KIAA0930: variants seen among roughly 807,000 people sequenced by gnomAD.
KIAA0930 encodes KIAA0930.
Under a neutral mutation model 43.9 loss-of-function variants are expected in KIAA0930, and 24 were observed. That is an observed-to-expected ratio of 0.55 (90% CI 0.40 to 0.77). KIAA0930 has a LOEUF of 0.77. KIAA0930 is among the 30% of genes least tolerant of loss of function. The pLI is 0.00. For synonymous variants in KIAA0930, 259 were observed against 216.4 expected (o/e 1.20, Z -1.73); for missense variants, 461 against 574.2 (o/e 0.80, Z 2.02).
At position 45,193,544 on chromosome 22, in the gene KIAA0930, C is replaced by T. The variant is rs541153395; in HGVS notation, c.*3632G>A. ...CAGGTACATTCTTTGGGGGAGGGCA[C>T]CTCAGGAACATGCATTTATACCCTT... On this transcript the variant is annotated 3_prime_UTR_variant, in exon 10 of 10. Coordinates refer to ENST00000336156, the MANE Select transcript of KIAA0930 (RefSeq NM_001009880.2). 3 of 152,244 alleles carry T rather than the reference C, an allele frequency of 2.0e-5. No homozygotes were observed. The highest frequency in any genetic ancestry group is 6.5e-5 in the Admixed American group (1 of 15,294). The allele number at this position is 152,244 out of a possible 1,614,324, so 9.4% of individuals were successfully genotyped here. A position where few individuals can be genotyped will look rare whatever the true frequency, so the allele number is the denominator to read the frequency against.
intron 2 of KIAA0930, among the ~76,000 whole-genome samples, chr22:45,209,311 G>A (rs1193681798): frequency 8.1e-6 from 1 of 123,300 alleles, no homozygotes; most frequent in African/African-American, 3.9e-5. Flanking sequence ...AGCGCTCAGG[G>A]CTTTTGCCAG....
intron 1 of KIAA0930, among the ~76,000 whole-genome samples, chr22:45,237,029 T>G (rs1334103667): frequency 6.6e-6 from 1 of 152,192 alleles, no homozygotes; most frequent in Non-Finnish European, 1.5e-5. Flanking sequence ...AACTGTCGGG[T>G]GGGCTGCCCC....
At chr22:45,231,188 G>C (rs2083851052) in intron 1 of KIAA0930, among the ~76,000 whole-genome samples, 1 of 149,734 alleles carries the variant, frequency 6.7e-6, no homozygotes, top group Non-Finnish European at 1.5e-5. Context: ...AGGAGGCAGA[G>C]GTTGCAGTGA....
At chr22:45,203,290 G>A in intron 6 of KIAA0930, 106 bp from the exon 7 acceptor site, 1 of 1,186,318 alleles carries the variant, frequency 8.4e-7, no homozygotes, top group Non-Finnish European at 1.2e-6. Context: ...AAGGAGCGGG[G>A]GCTGCCCGGG....
At chr22:45,203,499 G>A (rs550081694) in intron 6 of KIAA0930, among the ~76,000 whole-genome samples, 1 of 152,232 alleles carries the variant, frequency 6.6e-6, no homozygotes, top group East Asian at 1.9e-4. Flanking sequence ...TTAGTTGGGG[G>A]CGACTCGGAG....
At chr22:45,227,218 C>T (rs771481532) in intron 1 of KIAA0930, among the ~76,000 whole-genome samples, 11 of 152,226 alleles carry the variant, frequency 7.2e-5, no homozygotes, top group Non-Finnish European at 1.5e-4. Flanking sequence ...TGCAAAGCAC[C>T]TTCTGGGCCC....
At chr22:45,209,656 T>C (rs1466553774) in intron 2 of KIAA0930, among the ~76,000 whole-genome samples, 1 of 152,204 alleles carries the variant, frequency 6.6e-6, no homozygotes, top group Non-Finnish European at 1.5e-5. Flanking sequence ...ACAGCACTGA[T>C]GGCTCCATAG....
At chr22:45,200,805 A>G in intron 7 of KIAA0930, 1 of 449,236 alleles carries the variant, frequency 2.2e-6, no homozygotes, top group Non-Finnish European at 4.5e-6. Flanking sequence ...ACAACCATAG[A>G]CAGCATGCTG....
At chr22:45,210,045 C>G (rs991659817) in intron 2 of KIAA0930, among the ~76,000 whole-genome samples, 1 of 152,216 alleles carries the variant, frequency 6.6e-6, no homozygotes, top group Non-Finnish European at 1.5e-5. Flanking sequence ...AGGGTGCACA[C>G]AACCCGTCCT....
chr22:45,203,526 C>T (rs896912661), intron 6 of KIAA0930, among the ~76,000 whole-genome samples: 3 of 152,230 alleles, frequency 2.0e-5, no homozygotes, highest in South Asian at 2.1e-4. Flanking sequence ...CAGGGCCAGT[C>T]GCAGGAAGCA....
Position 45,193,715 on chromosome 22 carries a change from G to A in KIAA0930, c.*3461C>T, listed in dbSNP as rs1247456428. The A allele has an allele frequency of 1.3e-5, 2 of 152,152 alleles. No homozygotes were observed. The highest frequency in any genetic ancestry group is 1.3e-4 in the Admixed American group (2 of 15,268). The allele number at this position is 152,152 out of a possible 1,614,324, so 9.4% of individuals were successfully genotyped here. ...TCCTTTTGTTCTCTTCTGACTACCT[G>A]TCACTCATGTTTTAAATAATCTTCT... On this transcript the variant is annotated 3_prime_UTR_variant, in exon 10 of 10. Transcript: ENST00000336156.
chr22:45,203,307 C>G (rs1031700336), intron 6 of KIAA0930, 123 bp from the exon 7 acceptor site: 1 of 992,590 alleles, frequency 1.0e-6, no homozygotes, highest in South Asian at 1.6e-5. Context: ...CGGGAGGGAG[C>G]GTCTGAGCTG....
intron 2 of KIAA0930, 41 bp downstream of exon 2, chr22:45,211,915 T>C: frequency 6.3e-7 from 1 of 1,594,630 alleles, no homozygotes; most frequent in Non-Finnish European, 8.5e-7. Context: ...ACAGGGATGC[T>C]TGGGGCACAG....
chr22:45,229,498 A>T (rs535466321), intron 1 of KIAA0930, among the ~76,000 whole-genome samples: 1 of 152,210 alleles, frequency 6.6e-6, no homozygotes, highest in African/African-American at 2.4e-5. Flanking sequence ...GACAGGAGCC[A>T]CACACGAGGG....
Position 45,195,543 on chromosome 22 carries a change from G to A in KIAA0930, c.*1633C>T, listed in dbSNP as rs1049421908. 1.3e-5 allele frequency: 2 copies of A among 152,314 alleles called. No individual in the cohort carries two copies. The highest frequency in any genetic ancestry group is 4.8e-5 in the African/African-American group (2 of 41,446). The allele number at this position is 152,314 out of a possible 1,614,324, so 9.4% of individuals were successfully genotyped here. A position where few individuals can be genotyped will look rare whatever the true frequency, so the allele number is the denominator to read the frequency against. On this transcript the variant is annotated 3_prime_UTR_variant, in exon 10 of 10. Transcript: ENST00000336156. ...ATGACCTGGCTCTGTGCTGCCCTAA[G>A]ACATGGGTTTAGGAACATGAAATCG...
In KIAA0930 at chr22:45,205,663, G is replaced by T. The variant is rs376875577; in HGVS notation, c.381C>A (p.Gly127=). The change falls in exon 4 of 10, where the codon GGC becomes GGA. Residue 127 remains glycine (G), a synonymous_variant. Coordinates refer to ENST00000336156, the MANE Select transcript of KIAA0930 (RefSeq NM_001009880.2). ...TCTTCTTATGGATGTGAATGTCCCC[G>T]CCGTCAGCACGTGTGCACACCGCAC... ...VTCAVCTRAD[G]GDIHIHKKKS... 49 of 1,613,920 alleles carry T rather than the reference G, an allele frequency of 3.0e-5. No individual in the cohort carries two copies. In the South Asian group the frequency reaches 5.3e-4, roughly 17 times the overall value.
In KIAA0930 at chr22:45,195,818, T is replaced by G. The variant is rs1264948873; in HGVS notation, c.*1358A>C. 1 of 152,572 alleles carries G rather than the reference T, an allele frequency of 6.6e-6. No individual in the cohort carries two copies. Among genetic ancestry groups the G allele is most frequent in the African/African-American group, 2.4e-5 (1 of 41,412 alleles). 9.5% of individuals were successfully genotyped at this position (152,572 alleles called of 1,614,324 possible). Reference sequence around the variant, plus strand: ...AGCCCCATTTCACAGGTGGGCAAACTGAGGCAGAATGAAATGCAATAGCTC... The same window carrying G: ...AGCCCCATTTCACAGGTGGGCAAACGGAGGCAGAATGAAATGCAATAGCTC... On this transcript the variant is annotated 3_prime_UTR_variant, in exon 10 of 10. Coordinates refer to ENST00000336156, the MANE Select transcript of KIAA0930 (RefSeq NM_001009880.2).
intron 1 of KIAA0930, among the ~76,000 whole-genome samples, chr22:45,215,568 C>T (rs1347606152): frequency 6.6e-6 from 1 of 152,168 alleles, no homozygotes; most frequent in Non-Finnish European, 1.5e-5. Flanking sequence ...CTGACATTTC[C>T]CCGAGGTAAA....
intron 1 of KIAA0930, among the ~76,000 whole-genome samples, chr22:45,228,091 A>C (rs1428585698): frequency 6.6e-6 from 1 of 152,176 alleles, no homozygotes; most frequent in Non-Finnish European, 1.5e-5. Flanking sequence ...GAAATCTAGG[A>C]CCCAAAGTGT....
Sources: gnomAD v4.1 joint callset for allele counts (sites outside exome capture counted in the v4.1 genomes callset) on GRCh38, gnomAD v4.1.1 for gene constraint, MANE v1.5 for transcripts, NCBI Gene and HGNC (gene_info 2026-07-23, HGNC 2026-07-21) for gene names.